The following SLC30A6 variants were observed in gnomAD, a reference collection of about 807,000 sequenced individuals.
SLC30A6 encodes zinc transporter 6.
A neutral mutation model predicts 63.0 loss-of-function variants in SLC30A6; 55 were observed. The ratio of observed to expected loss-of-function variants is 0.87; its 90% confidence interval spans 0.70 to 1.09. The LOEUF (loss-of-function observed/expected upper bound fraction) is 1.09. Ranked by LOEUF, SLC30A6 falls within the 50% of genes least tolerant of loss-of-function variation. The probability of loss-of-function intolerance (pLI) is 0.00; values close to 1 mark genes in which losing one functional copy is unlikely to be tolerated. For synonymous variants in SLC30A6, 224 were observed against 186.1 expected (o/e 1.20, Z -1.66); for missense variants, 587 against 549.2 (o/e 1.07, Z -0.69).
intron 10 of SLC30A6, among the ~76,000 whole-genome samples, chr2:32,200,834 G>A (rs201810407): frequency 6.7e-6 from 1 of 149,244 alleles, no homozygotes; most frequent in African/African-American, 2.5e-5. Context: ...GATCAATAAA[G>A]AAAAAAATAA....
intron 5 of SLC30A6, among the ~76,000 whole-genome samples, chr2:32,186,938 A>G (rs956462547): frequency 2.1e-5 from 3 of 144,406 alleles, no homozygotes. Flanking sequence ...CAGAGGTTTC[A>G]GTGAGTGAGA....
chr2:32,194,977 C>CT (rs1288219004), intron 8 of SLC30A6, among the ~76,000 whole-genome samples: 1 of 151,984 alleles, frequency 6.6e-6, no homozygotes, highest in Non-Finnish European at 1.5e-5. Context: ...TACTGATAAT[C>CT]TTATGACCCA....
intron 1 of SLC30A6, among the ~76,000 whole-genome samples, chr2:32,169,199 G>C (rs931665236): frequency 1.3e-5 from 2 of 151,926 alleles, no homozygotes; most frequent in Admixed American, 1.3e-4. Context: ...ATTTCGAGAT[G>C]GGGTCTCGCT....
At chr2:32,209,629 A>T in intron 13 of SLC30A6, 68 bp downstream of exon 13, 1 of 1,351,252 alleles carries the variant, frequency 7.4e-7, no homozygotes, top group South Asian at 1.3e-5. Context: ...AAACTGAAAA[A>T]AAATATTTCC....
Position 32,197,748 on chromosome 2 carries a change from C to G in SLC30A6, c.587C>G (p.Pro196Arg). ...CCGGGACTTAGCAGTATCTTCCTTC[C>G]CCGAATGAATCCATTTGTTTTGATT... is the stretch of plus-strand genomic sequence containing the variant. Reference protein sequence around the residue: ...IIPGLSSIFLPRMNPFVLIDL... With the variant: ...IIPGLSSIFLRRMNPFVLIDL... Residue 196 changes from proline to arginine, a missense_variant, in exon 10 of 14, where the codon CCC (proline) becomes CGC (arginine). Pro to Arg is a moderately radical substitution (Grantham distance 103). Transcript: ENST00000282587. The G allele has an allele frequency of 3.1e-6, 5 of 1,614,032 alleles. No individual in the cohort carries two copies. The highest frequency in any genetic ancestry group is 4.2e-6 in the Non-Finnish European group (5 of 1,179,984).
At chr2:32,186,996 C>CAAAAAA (rs760128005) in intron 5 of SLC30A6, among the ~76,000 whole-genome samples, 7 of 51,302 alleles carry the variant, frequency 1.4e-4, no homozygotes, top group Non-Finnish European at 2.5e-4. Context: ...ACGCTGTCTC[C>CAAAAAA]AAAAAAAAAA....
At chr2:32,174,289 C>T (rs1461072318) in intron 3 of SLC30A6, 142 bp downstream of exon 3, 1 of 509,626 alleles carries the variant, frequency 2.0e-6, no homozygotes, top group Non-Finnish European at 3.3e-6. Context: ...ATATTTAAAA[C>T]TTCCCTGTAA....
chr2:32,168,396 A>G (rs1680876914), intron 1 of SLC30A6, among the ~76,000 whole-genome samples: 1 of 149,626 alleles, frequency 6.7e-6, no homozygotes, highest in Non-Finnish European at 1.5e-5. Flanking sequence ...GCTGTGTGAA[A>G]ACAGTGCCTT....
At chr2:32,196,666 G>C (rs1040791247) in intron 8 of SLC30A6, among the ~76,000 whole-genome samples, 4 of 152,180 alleles carry the variant, frequency 2.6e-5, no homozygotes, top group Non-Finnish European at 5.9e-5. Flanking sequence ...TGAGTATCAT[G>C]TTGGTGCTCA....
At chr2:32,166,127 CTGCAGGCAGAGCTTTCAGCT>C (rs1314985136) in intron 1 of SLC30A6, among the ~76,000 whole-genome samples, 1 of 152,228 alleles carries the variant, frequency 6.6e-6, no homozygotes, top group Non-Finnish European at 1.5e-5. Flanking sequence ...CTAGGCCCCG[CTGCAGGCAGAGCTTTCAGCT>C]CCTGGCGAGT....
chr2:32,220,427 C>A lies in SLC30A6; in HGVS notation c.1100C>A (p.Thr367Asn), dbSNP rs149327471. The A allele has an allele frequency of 6.2e-7, 1 of 1,614,082 alleles. No individual in the cohort carries two copies. Residue 367 changes from threonine (T) to asparagine (N), a missense_variant, in exon 14 of 14, where the codon ACT becomes AAT. Thr to Asn is a moderately conservative substitution (Grantham distance 65, BLOSUM62 0). Coordinates refer to ENST00000282587, the MANE Select transcript of SLC30A6 (RefSeq NM_017964.5). ...HVIPMPLLKG[T>N]DDLNPVTSTP... ...ATCCCAATGCCTCTTTTAAAGGGTA[C>A]TGATGATTTGAACCCAGTTACATCA...
At chr2:32,203,540 A>G (rs951426164) in intron 10 of SLC30A6, 1 of 1,605,560 alleles carries the variant, frequency 6.2e-7, no homozygotes, top group Non-Finnish European at 8.5e-7. Flanking sequence ...ACGATCTTTG[A>G]TCACCTCTGA....
chr2:32,211,429 G>A (rs1685246825), intron 13 of SLC30A6, among the ~76,000 whole-genome samples: 1 of 152,026 alleles, frequency 6.6e-6, no homozygotes, highest in East Asian at 1.9e-4. Flanking sequence ...TTTATTTCTG[G>A]CATGAAGCAT....
At chr2:32,183,898 G>A (rs551447182) in intron 4 of SLC30A6, among the ~76,000 whole-genome samples, 1 of 152,198 alleles carries the variant, frequency 6.6e-6, no homozygotes, top group South Asian at 2.1e-4. Flanking sequence ...CAAAGATGAA[G>A]CGTATCAAAG....
intron 8 of SLC30A6, 53 bp from the exon 9 acceptor site, chr2:32,197,291 G>A (rs1402318183): frequency 6.8e-7 from 1 of 1,468,722 alleles, no homozygotes; most frequent in Non-Finnish European, 9.2e-7. Context: ...AATATTTCAG[G>A]TAGTGGTTTT....
At position 32,203,965 on chromosome 2, in the gene SLC30A6, C is replaced by T. The variant is rs145086988; in HGVS notation, c.666-625C>T. On this transcript the variant is annotated intron_variant, in intron 10 of 13. Coordinates refer to ENST00000282587, the MANE Select transcript of SLC30A6 (RefSeq NM_017964.5). The stretch of plus-strand genomic sequence containing the variant: ...TAGAAGATGAAGAGGGAATAGAAAT[C>T]GATCAAGAAGTGGGAGCCACAAACG... The T allele has an allele frequency of 6.6e-4, 497 of 755,974 alleles. 1 individual carries two copies. The African/African-American group carries it at 8.0e-3, about 12-fold the overall frequency. 46.8% of individuals were successfully genotyped at this position (755,974 alleles called of 1,614,324 possible).
At chr2:32,205,102 C>T (rs927942305) in intron 11 of SLC30A6, among the ~76,000 whole-genome samples, 2 of 152,064 alleles carry the variant, frequency 1.3e-5, no homozygotes, top group Admixed American at 6.6e-5. Flanking sequence ...CGAGAGCCAT[C>T]GTGCCCAGTC....
At chr2:32,183,493 C>A (rs776957198) in intron 4 of SLC30A6, among the ~76,000 whole-genome samples, 2 of 151,504 alleles carry the variant, frequency 1.3e-5, no homozygotes, top group African/African-American at 2.4e-5. Context: ...ACCAGCCTGG[C>A]CAACATGACG....
At chr2:32,217,943 C>G (rs1685847660) in intron 13 of SLC30A6, among the ~76,000 whole-genome samples, 2 of 151,810 alleles carry the variant, frequency 1.3e-5, no homozygotes, top group Non-Finnish European at 1.5e-5. Flanking sequence ...TCAATCAATT[C>G]TCCCACCTCA....
Sources: allele counts gnomAD v4.1 joint callset (sites outside exome capture counted in the v4.1 genomes callset), GRCh38; gene constraint gnomAD v4.1.1; transcripts MANE v1.5; gene names NCBI Gene and HGNC (gene_info 2026-07-23, HGNC 2026-07-21).